VPS13A: variants seen among roughly 807,000 people sequenced by gnomAD.
The protein encoded by VPS13A is vacuolar protein sorting 13 homolog A.
A neutral mutation model predicts 390.9 loss-of-function variants in VPS13A; 264 were observed. The observed-to-expected ratio is 0.68, with a 90% confidence interval of 0.61 to 0.75. The LOEUF (loss-of-function observed/expected upper bound fraction) is 0.75, where lower values mean the gene tolerates loss of function less well. VPS13A is among the 30% of genes least tolerant of loss of function. The pLI is 0.00. For synonymous variants in VPS13A, 1,231 were observed against 1,227.1 expected (o/e 1.00, Z -0.07); for missense variants, 3,409 against 3,733.9 (o/e 0.91, Z 2.27).
At position 77,221,277 on chromosome 9, in the gene VPS13A, A is replaced by C. The variant is rs1363264469; in HGVS notation, c.1082A>C (p.Lys361Thr). The change falls in exon 13 of 72, where the codon AAA becomes ACA. Residue 361 changes from lysine (K) to threonine (T), a missense_variant. Lys to Thr is a moderately conservative substitution (Grantham distance 78, BLOSUM62 -1). Around this residue, in one of 5 missense-constraint regions of VPS13A, gnomAD observed 2,717 missense variants for 2,917.4 expected, o/e 0.93. Coordinates refer to ENST00000360280, the MANE Select transcript of VPS13A (RefSeq NM_033305.3). Reference sequence around the variant, plus strand: ...AAGCATATTAGAAAACATAGGCAAAAAGTGAAGCAATATAAAGAACTGTAT... The same window carrying C: ...AAGCATATTAGAAAACATAGGCAAACAGTGAAGCAATATAAAGAACTGTAT... ...SWKHIRKHRQ[K>T]VKQYKELYKK... is the part of the protein sequence containing the mutation. 6.2e-7 allele frequency: 1 copy of C among 1,613,442 alleles called. No individual in the cohort carries two copies. Among genetic ancestry groups the C allele is most frequent in the African/African-American group, 1.3e-5 (1 of 74,882 alleles).
chr9:77,396,107 C>T (rs1048698874), intron 68 of VPS13A, among the ~76,000 whole-genome samples: 3 of 152,020 alleles, frequency 2.0e-5, no homozygotes, highest in African/African-American at 7.3e-5. Flanking sequence ...CCTTGATGCT[C>T]TCACTCTGGC....
At chr9:77,361,242 C>G (rs561821722) in intron 59 of VPS13A, among the ~76,000 whole-genome samples, 4 of 152,218 alleles carry the variant, frequency 2.6e-5, no homozygotes, top group African/African-American at 9.6e-5. Flanking sequence ...ACATTTTCAT[C>G]ATCCCCAAAA....
intron 60 of VPS13A, among the ~76,000 whole-genome samples, chr9:77,366,514 A>C (rs1587668607): frequency 6.6e-6 from 1 of 152,214 alleles, no homozygotes; most frequent in Middle Eastern, 3.4e-3. Context: ...ATTAAATATC[A>C]TGCTATCTTA....
rs368529097 is a variant in VPS13A, at chr9:77,405,813, A to G, written c.9276-51A>G. On this transcript the variant is annotated intron_variant, in intron 69 of 71. Transcript: ENST00000360280. Reference sequence around the variant, plus strand: ...CATTCGTATCCTGTTGTTATTGGATATAAGTGCCTCAATTTTAAAGCGAAT... The same window carrying G: ...CATTCGTATCCTGTTGTTATTGGATGTAAGTGCCTCAATTTTAAAGCGAAT... 47 of 1,606,528 alleles carry G rather than the reference A, an allele frequency of 2.9e-5. No homozygotes were observed. The African/African-American group carries it at 5.2e-4, about 18-fold the overall frequency.
chr9:77,199,839 ATTAT>A, intron 1 of VPS13A, 102 bp from the exon 2 acceptor site: 6 of 874,454 alleles, frequency 6.9e-6, no homozygotes, highest in East Asian at 2.8e-5. Context: ...TGTTATGCAC[ATTAT>A]TTATATATTT....
intron 31 of VPS13A, among the ~76,000 whole-genome samples, chr9:77,291,905 C>T (rs550371154): frequency 1.3e-5 from 2 of 152,254 alleles, no homozygotes; most frequent in East Asian, 3.9e-4. Flanking sequence ...GATTGACTAT[C>T]CTTCCCTTCC....
At chr9:77,306,286 C>T (rs978373458) in intron 34 of VPS13A, among the ~76,000 whole-genome samples, 3 of 152,070 alleles carry the variant, frequency 2.0e-5, no homozygotes. Context: ...TCCTTGGGGT[C>T]ATAACAGCTA....
intron 45 of VPS13A, among the ~76,000 whole-genome samples, chr9:77,325,401 G>GTTTTT (rs566722890): frequency 4.1e-4 from 50 of 123,416 alleles, no homozygotes; most frequent in African/African-American, 1.3e-3. Context: ...GTTAGACCTT[G>GTTTTT]TTTTTTTTTT....
At chr9:77,369,493 TTAA>T in intron 63 of VPS13A, 81 bp downstream of exon 63, 2 of 965,164 alleles carry the variant, frequency 2.1e-6, no homozygotes, top group Non-Finnish European at 1.7e-6. Flanking sequence ...TTAAGTTGAG[TTAA>T]TAAGTGCAAA....
intron 47 of VPS13A, 111 bp from the exon 48 acceptor site, chr9:77,339,405 A>T: frequency 1.0e-6 from 1 of 999,058 alleles, no homozygotes. Context: ...TTGTTCTGAT[A>T]GGTATTTCAA....
At chr9:77,380,103 T>A (rs1833347181) in intron 67 of VPS13A, among the ~76,000 whole-genome samples, 1 of 152,100 alleles carries the variant, frequency 6.6e-6, no homozygotes, top group African/African-American at 2.4e-5. Context: ...AAAATGCCCT[T>A]CTTTGTGTCT....
At chr9:77,351,557 G>T in intron 53 of VPS13A, 111 bp downstream of exon 53, 1 of 1,368,938 alleles carries the variant, frequency 7.3e-7, no homozygotes, top group African/African-American at 1.4e-5. Flanking sequence ...GGCTGAGGTG[G>T]GCCATGAGTT....
intron 1 of VPS13A, among the ~76,000 whole-genome samples, chr9:77,185,376 G>C (rs1824269658): frequency 6.6e-6 from 1 of 152,096 alleles, no homozygotes; most frequent in Non-Finnish European, 1.5e-5. Context: ...TCTTGACCTT[G>C]TGATCCACCT....
At chr9:77,320,544 G>A (rs534876947) in intron 42 of VPS13A, among the ~76,000 whole-genome samples, 79 of 152,204 alleles carry the variant, frequency 5.2e-4, no homozygotes, top group Non-Finnish European at 7.1e-4. Context: ...GTGGCTTAAA[G>A]CCAGTTAAAG....
chr9:77,399,952 T>C (rs919470184), intron 68 of VPS13A, among the ~76,000 whole-genome samples: 2 of 152,044 alleles, frequency 1.3e-5, no homozygotes, highest in Non-Finnish European at 2.9e-5. Flanking sequence ...TACATCTCTC[T>C]ATGTCAGTAT....
intron 9 of VPS13A, among the ~76,000 whole-genome samples, 164 bp downstream of exon 9, chr9:77,213,478 T>G (rs928559436): frequency 2.0e-5 from 3 of 151,508 alleles, no homozygotes; most frequent in Admixed American, 1.3e-4. Context: ...TACACAAACA[T>G]GAATACATAC....
At chr9:77,212,506 A>AT (rs1158924103) in intron 7 of VPS13A, among the ~76,000 whole-genome samples, 6 of 151,780 alleles carry the variant, frequency 4.0e-5, no homozygotes, top group Admixed American at 2.0e-4. Flanking sequence ...ATGAGAGGGC[A>AT]TTTTTTTTGT....
At chr9:77,193,215 A>G (rs183678103) in intron 1 of VPS13A, among the ~76,000 whole-genome samples, 362 of 152,236 alleles carry the variant, frequency 2.4e-3, no homozygotes, top group Non-Finnish European at 4.4e-3. Context: ...TCTTAAAATG[A>G]CTATTTCATT....
intron 7 of VPS13A, 145 bp downstream of exon 7, chr9:77,210,820 G>T: frequency 1.3e-6 from 1 of 777,906 alleles, no homozygotes; most frequent in East Asian, 2.6e-5. Flanking sequence ...GGAATCGAGG[G>T]TATGTAGATT....
Sources: gnomAD v4.1 joint callset for allele counts (sites outside exome capture counted in the v4.1 genomes callset) on GRCh38, gnomAD v4.1.1 for gene constraint, gnomAD v4.1.1 regional missense constraint, MANE v1.5 for transcripts, NCBI Gene and HGNC (gene_info 2026-07-23, HGNC 2026-07-21) for gene names.